SLC30A8: variants seen among roughly 807,000 people sequenced by gnomAD.
The protein encoded by SLC30A8 is proton-coupled zinc antiporter SLC30A8.
Under a neutral mutation model 36.9 loss-of-function variants are expected in SLC30A8, and 27 were observed. The ratio of observed to expected loss-of-function variants is 0.73; its 90% CI spans 0.54 to 1.01. The LOEUF (loss-of-function observed/expected upper bound fraction) is 1.01. SLC30A8 is among the 50% of genes least tolerant of loss of function. The pLI, the probability that SLC30A8 is intolerant of heterozygous loss-of-function variation, is 0.00. For synonymous variants in SLC30A8, 164 were observed against 172.4 expected, an observed-to-expected ratio of 0.95 and a Z score of 0.38; for missense variants, 439 against 452.0, an observed-to-expected ratio of 0.97 and a Z score of 0.26.
chr8:117,053,218 C>T (rs978942375), intron 2 of SLC30A8, among the ~76,000 whole-genome samples: 8 of 152,142 alleles, frequency 5.3e-5, no homozygotes, highest in East Asian at 1.9e-4. Flanking sequence ...CGTGAGCCAC[C>T]GTGTCTGGCT....
intron 1 of SLC30A8, among the ~76,000 whole-genome samples, chr8:117,038,041 G>GA (rs1313803344): frequency 2.0e-5 from 3 of 152,018 alleles, no homozygotes; most frequent in Non-Finnish European, 4.4e-5. Flanking sequence ...CTAGGGTAAT[G>GA]AAAAAAATGG....
At chr8:116,974,744 T>C (rs901858165) in intron 1 of SLC30A8, among the ~76,000 whole-genome samples, 5 of 152,092 alleles carry the variant, frequency 3.3e-5, no homozygotes, top group African/African-American at 1.2e-4. Flanking sequence ...ACACGTATGT[T>C]TATTGTGGCA....
At chr8:117,091,957 A>G (rs1819147144) in intron 2 of SLC30A8, among the ~76,000 whole-genome samples, 1 of 152,168 alleles carries the variant, frequency 6.6e-6, no homozygotes, top group Non-Finnish European at 1.5e-5. Flanking sequence ...TCAAATAAAC[A>G]TAAAAGACCA....
At chr8:117,030,956 C>A (rs1817025844) in intron 1 of SLC30A8, among the ~76,000 whole-genome samples, 1 of 152,094 alleles carries the variant, frequency 6.6e-6, no homozygotes. Context: ...ATTTAAGATT[C>A]CACAAAGAAC....
intron 1 of SLC30A8, among the ~76,000 whole-genome samples, chr8:116,973,730 A>T (rs1814874021): frequency 1.3e-5 from 2 of 152,226 alleles, no homozygotes; most frequent in Non-Finnish European, 2.9e-5. Context: ...CACATTGCCA[A>T]GACAATCCTA....
intron 2 of SLC30A8, among the ~76,000 whole-genome samples, chr8:117,094,070 C>T (rs1819253430): frequency 6.6e-6 from 1 of 152,254 alleles, no homozygotes; most frequent in South Asian, 2.1e-4. Context: ...ATGCCAAGAA[C>T]TGCAGAGCCC....
intron 1 of SLC30A8, among the ~76,000 whole-genome samples, chr8:117,141,857 A>G (rs192667445): frequency 2.0e-5 from 3 of 152,340 alleles, no homozygotes; most frequent in African/African-American, 7.2e-5. Flanking sequence ...CTGTGCATTC[A>G]TCTTGTTCCA....
chr8:117,161,982 CTCTG>C, intron 5 of SLC30A8, 94 bp downstream of exon 5: 1 of 1,105,320 alleles, frequency 9.0e-7, no homozygotes. Flanking sequence ...AATGGGCATC[CTCTG>C]TTTACCTATA....
intron 2 of SLC30A8, among the ~76,000 whole-genome samples, chr8:117,044,698 C>T (rs1044693772): frequency 5.3e-5 from 8 of 152,154 alleles, no homozygotes; most frequent in Non-Finnish European, 1.0e-4. Flanking sequence ...TTCTTTTTAG[C>T]AGAGCTTGAA....
chr8:116,977,410 C>T (rs1328931989), intron 1 of SLC30A8, among the ~76,000 whole-genome samples: 1 of 151,428 alleles, frequency 6.6e-6, no homozygotes, highest in Non-Finnish European at 1.5e-5. Context: ...GCCTCCACCT[C>T]CCAAAGTATT....
intron 2 of SLC30A8, among the ~76,000 whole-genome samples, chr8:117,102,845 A>G (rs1586519689): frequency 6.6e-6 from 1 of 152,270 alleles, no homozygotes; most frequent in South Asian, 2.1e-4. Flanking sequence ...TTACAGATTC[A>G]AAGGCCTTAT....
At chr8:117,117,282 T>A (rs1185652817) in intron 2 of SLC30A8, among the ~76,000 whole-genome samples, 1 of 152,066 alleles carries the variant, frequency 6.6e-6, no homozygotes, top group East Asian at 1.9e-4. Flanking sequence ...CAGGTATTAT[T>A]GTCATCCCAA....
intron 2 of SLC30A8, among the ~76,000 whole-genome samples, chr8:117,059,439 C>T (rs1254567661): frequency 1.3e-5 from 2 of 152,186 alleles, no homozygotes; most frequent in East Asian, 1.9e-4. Flanking sequence ...AGCCAAGTTG[C>T]TGAACAAATA....
intron 1 of SLC30A8, among the ~76,000 whole-genome samples, chr8:117,021,415 G>A: frequency 6.6e-6 from 1 of 152,092 alleles, no homozygotes; most frequent in East Asian, 1.9e-4. Context: ...TAGAGGATCT[G>A]CTGTAGTATC....
At chr8:116,979,454 T>C (rs1402296886) in intron 1 of SLC30A8, among the ~76,000 whole-genome samples, 1 of 152,140 alleles carries the variant, frequency 6.6e-6, no homozygotes, top group Non-Finnish European at 1.5e-5. Flanking sequence ...GTCGTTGGCT[T>C]CCATTCTGCC....
intron 1 of SLC30A8, among the ~76,000 whole-genome samples, chr8:116,965,874 ATTTTTTTTAATTTTTT>A (rs1814583289): frequency 6.7e-6 from 1 of 149,820 alleles, no homozygotes; most frequent in Admixed American, 6.6e-5. Context: ...AATATTTTTA[ATTTTTTTTAATTTTTT>A]TTTTTTTTTT....
At chr8:117,169,368 C>T (rs986795393) in intron 6 of SLC30A8, among the ~76,000 whole-genome samples, 1 of 152,080 alleles carries the variant, frequency 6.6e-6, no homozygotes. Context: ...AAGGTCATTG[C>T]CAAGGTCTGA....
At chr8:117,116,100 A>C (rs1024062587) in intron 2 of SLC30A8, among the ~76,000 whole-genome samples, 8 of 151,972 alleles carry the variant, frequency 5.3e-5, no homozygotes, top group African/African-American at 1.9e-4. Flanking sequence ...AGATAAAAAC[A>C]AGAAATGACA....
chr8:117,099,938 G>T (rs1198575304), intron 2 of SLC30A8, among the ~76,000 whole-genome samples: 2 of 152,126 alleles, frequency 1.3e-5, no homozygotes, highest in Non-Finnish European at 2.9e-5. Context: ...TACAAATTAG[G>T]GAAGTGAGGT....
Sources: gnomAD v4.1 joint callset for allele counts (sites outside exome capture counted in the v4.1 genomes callset) on GRCh38, gnomAD v4.1.1 for gene constraint, MANE v1.5 for transcripts, NCBI Gene and HGNC (gene_info 2026-07-23, HGNC 2026-07-21) for gene names.